Variants in RORA observed in about 807,000 individuals in gnomAD.
RORA encodes the protein RAR related orphan receptor A, also known as nuclear receptor ROR-alpha.
A neutral mutation model predicts 69.5 loss-of-function variants in RORA; 7 were observed. The ratio of observed to expected loss-of-function variants is 0.10; its 90% CI spans 0.06 to 0.19. The LOEUF is 0.19. Ranked by LOEUF, RORA falls within the 10% of genes least tolerant of loss-of-function variation. The probability of loss-of-function intolerance (pLI) is 1.00; values close to 1 mark genes in which losing one functional copy is unlikely to be tolerated. For missense variants in RORA, 457 were observed against 663.0 expected, an observed-to-expected ratio of 0.69 and a Z score of 3.41; for synonymous variants, 261 against 240.8, an observed-to-expected ratio of 1.08 and a Z score of -0.78.
chr15:60,590,192 T>TCTCTCTCTCTCTCTCC (rs1201661049), intron 2 of RORA, among the ~76,000 whole-genome samples: 1 of 152,050 alleles, frequency 6.6e-6, no homozygotes, highest in African/African-American at 2.4e-5. Flanking sequence ...TCTCTCTCTC[T>TCTCTCTCTCTCTCTCC]CTCTCTCTTT....
chr15:60,630,145 T>C (rs1009128245), intron 2 of RORA, among the ~76,000 whole-genome samples: 1 of 151,604 alleles, frequency 6.6e-6, no homozygotes, highest in Non-Finnish European at 1.5e-5. Flanking sequence ...AAATCTTTGA[T>C]CTTTTCCACC....
chr15:61,209,059 T>C (rs1051997149), intron 1 of RORA, among the ~76,000 whole-genome samples: 1 of 152,208 alleles, frequency 6.6e-6, no homozygotes, highest in African/African-American at 2.4e-5. Flanking sequence ...GTTCTTTCCT[T>C]ACCCTAAAGA....
chr15:60,548,838 C>CTT (rs1567078767), intron 2 of RORA, among the ~76,000 whole-genome samples: 1 of 152,040 alleles, frequency 6.6e-6, no homozygotes, highest in African/African-American at 2.4e-5. Context: ...AGGGTTTCAC[C>CTT]GTGGTCTCGA....
intron 2 of RORA, among the ~76,000 whole-genome samples, chr15:60,625,016 A>G (rs1289258852): frequency 6.6e-6 from 1 of 152,196 alleles, no homozygotes; most frequent in Non-Finnish European, 1.5e-5. Flanking sequence ...CTTAGTGAAA[A>G]CACTTGCCCA....
intron 1 of RORA, among the ~76,000 whole-genome samples, chr15:60,958,034 G>A (rs902851613): frequency 1.3e-4 from 20 of 151,412 alleles, no homozygotes; most frequent in Admixed American, 4.6e-4. Flanking sequence ...TGTCTCCTTT[G>A]AAATTGTTCG....
At chr15:60,836,294 A>C (rs1244351345) in intron 1 of RORA, among the ~76,000 whole-genome samples, 1 of 152,130 alleles carries the variant, frequency 6.6e-6, no homozygotes, top group East Asian at 1.9e-4. Context: ...TGGAGAGAGG[A>C]GACAAAAAAA....
At chr15:60,796,294 C>T (rs1346230633) in intron 1 of RORA, among the ~76,000 whole-genome samples, 1 of 152,172 alleles carries the variant, frequency 6.6e-6, no homozygotes, top group Non-Finnish European at 1.5e-5. Flanking sequence ...TCCAGGCACT[C>T]ACCCTTTTGA....
intron 1 of RORA, among the ~76,000 whole-genome samples, chr15:61,196,421 G>A (rs1189671644): frequency 6.6e-6 from 1 of 152,212 alleles, no homozygotes; most frequent in East Asian, 1.9e-4. Context: ...CAGCAGTTCT[G>A]AAGGTCCTGT....
intron 1 of RORA, among the ~76,000 whole-genome samples, chr15:61,186,305 AC>A (rs1354717456): frequency 6.6e-6 from 1 of 152,088 alleles, no homozygotes; most frequent in Non-Finnish European, 1.5e-5. Context: ...TAATTCTAAG[AC>A]CCTGATGTGC....
intron 2 of RORA, chr15:60,614,987 G>T: frequency 6.2e-7 from 1 of 1,613,994 alleles, no homozygotes; most frequent in Non-Finnish European, 8.5e-7. Context: ...TGCTCAAGTT[G>T]AGACCAGAAC....
chr15:60,713,356 C>A (rs1261182893), intron 1 of RORA, among the ~76,000 whole-genome samples: 1 of 152,040 alleles, frequency 6.6e-6, no homozygotes, highest in African/African-American at 2.4e-5. Context: ...ACCAATGGCG[C>A]CTTTTATCAG....
chr15:60,738,360 C>G (rs1017806850), intron 1 of RORA, among the ~76,000 whole-genome samples: 6 of 152,196 alleles, frequency 3.9e-5, no homozygotes, highest in Non-Finnish European at 5.9e-5. Flanking sequence ...ACACTTTTAT[C>G]TTTTCCCAGA....
intron 1 of RORA, among the ~76,000 whole-genome samples, chr15:60,714,124 G>A (rs1019255825): frequency 2.6e-5 from 4 of 151,770 alleles, no homozygotes; most frequent in African/African-American, 9.7e-5. Context: ...CGTGGTCTCA[G>A]CTCACTGCAA....
chr15:60,969,025 G>C (rs1893636737), intron 1 of RORA, among the ~76,000 whole-genome samples: 1 of 152,246 alleles, frequency 6.6e-6, no homozygotes, highest in East Asian at 1.9e-4. Context: ...ATTTGGATTT[G>C]TCTAATGTTT....
At chr15:60,805,899 C>T (rs940669127) in intron 1 of RORA, among the ~76,000 whole-genome samples, 1 of 152,194 alleles carries the variant, frequency 6.6e-6, no homozygotes, top group African/African-American at 2.4e-5. Flanking sequence ...ATGTTCAATA[C>T]CAAATTGGCA....
rs894881213 is a variant in RORA at position 60,814,882 on chromosome 15, C to T, written c.167-136196G>A. Reference sequence around the variant, plus strand: ...TTCTGGGTGCTTCTCATCTCCAGCCCGTCCTCAACCCTGGGGTGAGGAAGG... The same window carrying T: ...TTCTGGGTGCTTCTCATCTCCAGCCTGTCCTCAACCCTGGGGTGAGGAAGG... On this transcript the variant is annotated intron_variant, in intron 1 of 10. Coordinates refer to ENST00000335670, the MANE Select transcript of RORA (RefSeq NM_134261.3). 3.2e-4 allele frequency among the ~76,000 whole-genome samples: 48 copies of T among 152,268 alleles called. 1 individual carries two copies. Among genetic ancestry groups the T allele is most frequent in the Admixed American group, 1.3e-4 (2 of 15,298 alleles).
intron 2 of RORA, among the ~76,000 whole-genome samples, chr15:60,576,632 C>T (rs2068034383): frequency 6.6e-6 from 1 of 152,222 alleles, no homozygotes; most frequent in Non-Finnish European, 1.5e-5. Context: ...CCAAGTGTAT[C>T]TGTTAGTCGA....
chr15:60,977,512 C>T (rs908769089), intron 1 of RORA, among the ~76,000 whole-genome samples: 1 of 152,016 alleles, frequency 6.6e-6, no homozygotes, highest in Non-Finnish European at 1.5e-5. Context: ...GTATACAATT[C>T]AATAGTTTTT....
intron 2 of RORA, among the ~76,000 whole-genome samples, chr15:60,653,299 G>A (rs1402137234): frequency 3.8e-5 from 1 of 26,068 alleles, no homozygotes. Context: ...AGGTGCATGC[G>A]TGTGTGTGTG....
Sources: allele counts gnomAD v4.1 joint callset (sites outside exome capture counted in the v4.1 genomes callset), GRCh38; gene constraint gnomAD v4.1.1; transcripts MANE v1.5; gene names NCBI Gene and HGNC (gene_info 2026-07-23, HGNC 2026-07-21).